CCSER1: variants seen among roughly 807,000 people sequenced by gnomAD.
CCSER1 encodes serine-rich coiled-coil domain-containing protein 1.
A neutral mutation model predicts 82.0 loss-of-function variants in CCSER1; 41 were observed. That is an observed-to-expected ratio of 0.50 (90% CI 0.39 to 0.65). CCSER1 has a LOEUF of 0.65. Ranked by LOEUF, CCSER1 falls within the 30% of genes least tolerant of loss-of-function variation. CCSER1 has a pLI of 0.00. For synonymous variants in CCSER1, 414 were observed against 383.9 expected, an observed-to-expected ratio of 1.08 and a Z score of -0.92; for missense variants, 1,119 against 1,064.2, an observed-to-expected ratio of 1.05 and a Z score of -0.72.
intron 10 of CCSER1, among the ~76,000 whole-genome samples, chr4:91,482,903 T>C (rs538521725): frequency 2.0e-5 from 3 of 151,698 alleles, no homozygotes; most frequent in African/African-American, 7.3e-5. Context: ...ATGAGAACAC[T>C]TGGACACAGG....
At chr4:91,053,351 A>G (rs1743166802) in intron 9 of CCSER1, among the ~76,000 whole-genome samples, 1 of 152,180 alleles carries the variant, frequency 6.6e-6, no homozygotes, top group Non-Finnish European at 1.5e-5. Context: ...CCCATTCTGA[A>G]ATGAGAATTC....
intron 8 of CCSER1, among the ~76,000 whole-genome samples, chr4:90,829,906 G>A (rs931926387): frequency 6.6e-6 from 1 of 152,106 alleles, no homozygotes; most frequent in Non-Finnish European, 1.5e-5. Flanking sequence ...CCTATCTGAG[G>A]CTTCCTTCCT....
intron 10 of CCSER1, among the ~76,000 whole-genome samples, chr4:91,216,986 T>C (rs1042967087): frequency 1.3e-5 from 2 of 152,166 alleles, no homozygotes; most frequent in African/African-American, 4.8e-5. Context: ...ACTTCAAGAA[T>C]GAAGCCGCGG....
intron 9 of CCSER1, among the ~76,000 whole-genome samples, chr4:90,941,620 T>G (rs1731591952): frequency 6.6e-6 from 1 of 152,200 alleles, no homozygotes; most frequent in Admixed American, 6.5e-5. Flanking sequence ...TTACTTCTCC[T>G]TATAGTACTC....
intron 5 of CCSER1, among the ~76,000 whole-genome samples, chr4:90,535,281 TATAGGC>T (rs1775171862): frequency 6.6e-6 from 1 of 152,134 alleles, no homozygotes; most frequent in South Asian, 2.1e-4. Flanking sequence ...GCTTTGTTAG[TATAGGC>T]ATTAGACATC....
intron 5 of CCSER1, among the ~76,000 whole-genome samples, chr4:90,550,730 T>A (rs956719294): frequency 6.6e-6 from 1 of 152,044 alleles, no homozygotes; most frequent in African/African-American, 2.4e-5. Context: ...TTGAATGAAG[T>A]AAGTTTTTAC....
chr4:91,543,185 CTA>C (rs1203903536), intron 10 of CCSER1, among the ~76,000 whole-genome samples: 9 of 152,118 alleles, frequency 5.9e-5, no homozygotes, highest in African/African-American at 2.2e-4. Context: ...TATTTTGAAC[CTA>C]TGTGTGTCTC....
chr4:90,784,783 C>T (rs562716808), intron 7 of CCSER1, among the ~76,000 whole-genome samples: 2 of 152,208 alleles, frequency 1.3e-5, no homozygotes, highest in South Asian at 4.1e-4. Flanking sequence ...TTACTGATAA[C>T]ATAAACATGG....
chr4:90,941,705 G>A (rs544987843), intron 9 of CCSER1, among the ~76,000 whole-genome samples: 1 of 151,996 alleles, frequency 6.6e-6, no homozygotes, highest in South Asian at 2.1e-4. Context: ...CTGTCTTGTT[G>A]GTGATTTTTT....
At chr4:90,535,467 T>C (rs1475177597) in intron 5 of CCSER1, among the ~76,000 whole-genome samples, 4 of 152,190 alleles carry the variant, frequency 2.6e-5, no homozygotes, top group South Asian at 2.1e-4. Flanking sequence ...TTTGTATTAC[T>C]TTAATAGTAG....
intron 9 of CCSER1, among the ~76,000 whole-genome samples, chr4:90,945,801 C>T (rs1423811244): frequency 2.0e-5 from 3 of 152,186 alleles, no homozygotes; most frequent in Non-Finnish European, 2.9e-5. Flanking sequence ...CTAAATCACT[C>T]TACAGTTCAA....
chr4:91,226,239 C>A (rs1738196899), intron 10 of CCSER1, among the ~76,000 whole-genome samples: 1 of 151,704 alleles, frequency 6.6e-6, no homozygotes, highest in African/African-American at 2.4e-5. Flanking sequence ...TGCAAGGCAG[C>A]AAATGATGGT....
At chr4:90,330,947 A>T (rs1415053901) in intron 3 of CCSER1, among the ~76,000 whole-genome samples, 1 of 152,148 alleles carries the variant, frequency 6.6e-6, no homozygotes, top group Non-Finnish European at 1.5e-5. Flanking sequence ...TAGACTATTA[A>T]GTAATTTTTA....
intron 3 of CCSER1, among the ~76,000 whole-genome samples, chr4:90,343,823 G>T (rs1433360730): frequency 1.3e-5 from 2 of 152,068 alleles, no homozygotes; most frequent in Admixed American, 1.3e-4. Context: ...CATGCAATGT[G>T]TAAGAATCAC....
chr4:90,482,448 T>C (rs1303029214), intron 5 of CCSER1, among the ~76,000 whole-genome samples: 8 of 152,190 alleles, frequency 5.3e-5, no homozygotes, highest in African/African-American at 1.9e-4. Flanking sequence ...TCTCTAGTTG[T>C]TTTAATTGTG....
intron 10 of CCSER1, among the ~76,000 whole-genome samples, chr4:91,465,820 G>A (rs1359540138): frequency 6.6e-6 from 1 of 152,094 alleles, no homozygotes; most frequent in African/African-American, 2.4e-5. Context: ...CTGAATCCCT[G>A]AATATACCAC....
chr4:91,088,574 A>C (rs1049167877), intron 10 of CCSER1, among the ~76,000 whole-genome samples: 2 of 152,214 alleles, frequency 1.3e-5, no homozygotes, highest in Non-Finnish European at 2.9e-5. Context: ...CTAAATTGTG[A>C]AATATACAAA....
chr4:91,196,278 T>G (rs1409312151), intron 10 of CCSER1, among the ~76,000 whole-genome samples: 3 of 151,884 alleles, frequency 2.0e-5, no homozygotes, highest in African/African-American at 4.8e-5. Flanking sequence ...AGCTTCAGAA[T>G]GAATGTTCCA....
In CCSER1 at chr4:91,488,382, A is replaced by G. The variant is rs1048861868; in HGVS notation, c.2218-110190A>G. 9.9e-5 allele frequency among the ~76,000 whole-genome samples: 15 copies of G among 152,214 alleles called. 1 individual carries two copies. Among genetic ancestry groups the G allele is most frequent in the African/African-American group, 3.4e-4 (14 of 41,454 alleles). ...ATAATGATAGAAATTCATTAATTCA[A>G]TAAACATTTACTGAGAAACTACCAT... On this transcript the variant is annotated intron_variant, in intron 10 of 10. Coordinates refer to ENST00000509176, the MANE Select transcript of CCSER1 (RefSeq NM_001145065.2).
Sources: gnomAD v4.1 joint callset for allele counts (sites outside exome capture counted in the v4.1 genomes callset) on GRCh38, gnomAD v4.1.1 for gene constraint, MANE v1.5 for transcripts, NCBI Gene and HGNC (gene_info 2026-07-23, HGNC 2026-07-21) for gene names.